The following RAP1A variants were observed in gnomAD, a reference collection of about 807,000 sequenced individuals.
RAP1A encodes ras-related protein Rap-1A.
A neutral mutation model predicts 26.4 loss-of-function variants in RAP1A; 6 were observed. The observed-to-expected ratio is 0.23, with a 90% CI of 0.12 to 0.45. The LOEUF (loss-of-function observed/expected upper bound fraction) is 0.45, where lower values mean the gene tolerates loss of function less well. RAP1A is among the 20% of genes least tolerant of loss of function. The pLI is 0.99. For missense variants in RAP1A, 121 were observed against 217.2 expected (o/e 0.56, Z 2.78); for synonymous variants, 73 against 79.4 (o/e 0.92, Z 0.43).
chr1:111,612,660 TA>T (rs1658944034), intron 1 of RAP1A, among the ~76,000 whole-genome samples: 2 of 152,264 alleles, frequency 1.3e-5, no homozygotes, highest in East Asian at 1.9e-4. Context: ...AAAACAAATA[TA>T]AAAGCCTTTG....
intron 1 of RAP1A, among the ~76,000 whole-genome samples, chr1:111,614,277 A>G (rs1658977869): frequency 6.6e-6 from 1 of 152,252 alleles, no homozygotes; most frequent in Non-Finnish European, 1.5e-5. Flanking sequence ...GTAAAATCAC[A>G]TACCAATGCC....
chr1:111,712,011 T>A (rs938890946), intron 7 of RAP1A, among the ~76,000 whole-genome samples: 1 of 152,180 alleles, frequency 6.6e-6, no homozygotes, highest in Non-Finnish European at 1.5e-5. Flanking sequence ...AATGCTTGAA[T>A]AAAGAATATC....
chr1:111,686,657 C>T (rs1176520392), intron 1 of RAP1A: 4 of 144,978 alleles, frequency 2.8e-5, no homozygotes, highest in South Asian at 2.2e-4. Flanking sequence ...TGCCACTGCA[C>T]TCCAGCCTGA....
intron 1 of RAP1A, among the ~76,000 whole-genome samples, chr1:111,629,643 C>T (rs57197387): frequency 0.053 from 8,080 of 152,152 alleles, 466 homozygotes; most frequent in African/African-American, 0.14. Context: ...AAATCTCTTC[C>T]CTTTAAAACT....
chr1:111,664,678 A>G (rs1660749367), intron 1 of RAP1A, among the ~76,000 whole-genome samples: 1 of 152,164 alleles, frequency 6.6e-6, no homozygotes, highest in Non-Finnish European at 1.5e-5. Flanking sequence ...TCCCAAAGGT[A>G]TTCTATGCAT....
upstream of RAP1A, among the ~76,000 whole-genome samples, chr1:111,614,934 G>A (rs1223144366): frequency 6.6e-6 from 1 of 152,134 alleles, no homozygotes; most frequent in African/African-American, 2.4e-5. Flanking sequence ...CCATAGGTGT[G>A]GAATGAATAG....
Position 111,601,556 on chromosome 1 carries a change from T to C in RAP1A, c.-28+59047T>C, listed in dbSNP as rs927315074. On this transcript the variant is annotated intron_variant, in intron 1 of 7. Coordinates refer to the RAP1A transcript ENST00000356415. ...TTGCTATTACTCTAGAAATGGAAAA[T>C]GAGAAAAATATCTCCTTCTCCAAGT... Among the ~76,000 whole-genome samples the C allele has an allele frequency of 3.9e-5, 6 of 152,140 alleles. 1 individual carries two copies. The highest frequency in any genetic ancestry group is 3.3e-4 in the Admixed American group (5 of 15,276).
chr1:111,630,151 C>T (rs938610055), intron 1 of RAP1A, among the ~76,000 whole-genome samples: 8 of 152,118 alleles, frequency 5.3e-5, no homozygotes, highest in Non-Finnish European at 1.0e-4. Flanking sequence ...AGGTGAAATA[C>T]GAAATGTCTG....
intron 1 of RAP1A, among the ~76,000 whole-genome samples, chr1:111,671,173 C>T (rs770254156): frequency 2.0e-5 from 3 of 152,156 alleles, no homozygotes; most frequent in Non-Finnish European, 2.9e-5. Flanking sequence ...GGCTGGAGTA[C>T]AGTGGTACAG....
chr1:111,639,566 C>CT (rs10646278), intron 1 of RAP1A, among the ~76,000 whole-genome samples: 86,027 of 148,314 alleles, frequency 0.58, 24,916 homozygotes, highest in African/African-American at 0.65. Context: ...ACATTATGAA[C>CT]TTTTTTTTTT....
intron 7 of RAP1A, among the ~76,000 whole-genome samples, chr1:111,711,794 T>G (rs1191102461): frequency 6.6e-6 from 1 of 152,220 alleles, no homozygotes; most frequent in East Asian, 1.9e-4. Flanking sequence ...AAAATTGTAT[T>G]GAATCATGTT....
intron 1 of RAP1A, among the ~76,000 whole-genome samples, chr1:111,604,978 A>G (rs1571493123): frequency 6.6e-6 from 1 of 152,176 alleles, no homozygotes. Context: ...TAGTGTGACA[A>G]TTCTCCATTG....
chr1:111,658,022 C>CTTTATAA (rs1205126109), intron 1 of RAP1A, among the ~76,000 whole-genome samples: 1 of 152,074 alleles, frequency 6.6e-6, no homozygotes, highest in East Asian at 1.9e-4. Context: ...TTGAGACTTA[C>CTTTATAA]TTTATAATTT....
chr1:111,650,093 C>CTTTTTTT (rs57681662), intron 1 of RAP1A, among the ~76,000 whole-genome samples: 108 of 75,748 alleles, frequency 1.4e-3, no homozygotes, highest in Non-Finnish European at 1.5e-3. Context: ...TGGTAGAGTG[C>CTTTTTTT]TTTTTTTTTT....
upstream of RAP1A, chr1:111,619,631 C>G: frequency 2.6e-6 from 1 of 390,018 alleles, no homozygotes; most frequent in Non-Finnish European, 4.5e-6. Flanking sequence ...TAGCTCCAGG[C>G]TTTCCCGGCT....
intron 1 of RAP1A, among the ~76,000 whole-genome samples, chr1:111,668,266 C>G (rs543953568): frequency 6.6e-6 from 1 of 152,148 alleles, no homozygotes; most frequent in East Asian, 1.9e-4. Context: ...GATCACACAA[C>G]TCAAAAAGAA....
rs1423302425 is a variant in RAP1A, at chr1:111,714,949, T to G, written c.*2548T>G. On this transcript the variant is annotated 3_prime_UTR_variant, in exon 8 of 8. Transcript: ENST00000369709. ...TGAGTGACACAGAATTTAAGGAGGC[T>G]TCATGCCATAGTTCATAGTTTGCTC... 5 of 152,234 alleles carry G rather than the reference T, an allele frequency of 3.3e-5. No homozygotes were observed. Among genetic ancestry groups the G allele is most frequent in the African/African-American group, 4.8e-5 (2 of 41,460 alleles). The allele number at this position is 152,234 out of a possible 1,614,324, so 9.4% of individuals were successfully genotyped here.
At chr1:111,589,606 C>G (rs1467042471) in intron 1 of RAP1A, among the ~76,000 whole-genome samples, 1 of 152,152 alleles carries the variant, frequency 6.6e-6, no homozygotes, top group Non-Finnish European at 1.5e-5. Context: ...TGCTCCATTT[C>G]TACCTGTTTA....
At chr1:111,610,731 C>T (rs1312319937) in intron 1 of RAP1A, among the ~76,000 whole-genome samples, 1 of 152,196 alleles carries the variant, frequency 6.6e-6, no homozygotes, top group Non-Finnish European at 1.5e-5. Context: ...GTAGCATAAG[C>T]CCCAGGCTTT....
Sources: gnomAD v4.1 joint callset for allele counts (sites outside exome capture counted in the v4.1 genomes callset) on GRCh38, gnomAD v4.1.1 for gene constraint, MANE v1.5 for transcripts, NCBI Gene and HGNC (gene_info 2026-07-23, HGNC 2026-07-21) for gene names.